The following ZNF611 variants were observed in gnomAD, a reference collection of about 807,000 sequenced individuals.
ZNF611 encodes zinc finger protein 611.
ZNF611 carries 6 observed loss-of-function variants against 8.9 expected under a neutral mutation model. That is an observed-to-expected ratio of 0.68 (90% confidence interval 0.37 to 1.34). ZNF611 has a LOEUF of 1.34. Among genes scored for constraint, ZNF611 ranks in the 40% most tolerant of loss-of-function variants. The pLI, the probability that ZNF611 is intolerant of heterozygous loss-of-function variation, is 0.02. For synonymous variants in ZNF611, 262 were observed against 279.7 expected (o/e 0.94, Z 0.63); for missense variants, 874 against 841.3 (o/e 1.04, Z -0.48).
intron 5 of ZNF611, among the ~76,000 whole-genome samples, chr19:52,710,662 G>C (rs1414185268): frequency 6.6e-6 from 1 of 152,184 alleles, no homozygotes; most frequent in Non-Finnish European, 1.5e-5. Context: ...ACTGCGGCTG[G>C]CCAGTCTAAG....
rs1479164489 is a variant in ZNF611 at position 52,717,067 on chromosome 19, A to G, written c.-19-1154T>C. Reference sequence around the variant, plus strand: ...AAAGGAAACTCAAAAGACTGCAACCATTTGTGCCTCAGTTCTCTGTGAACT... The same window carrying G: ...AAAGGAAACTCAAAAGACTGCAACCGTTTGTGCCTCAGTTCTCTGTGAACT... On this transcript the variant is annotated intron_variant, in intron 3 of 5. Transcript: ENST00000652185. Among the ~76,000 whole-genome samples, 4 of 151,586 alleles carry G rather than the reference A, an allele frequency of 2.6e-5. No homozygotes were observed. The East Asian group carries it at 7.7e-4, about 29-fold the overall frequency.
chr19:52,721,809 C>T (rs2062362075), intron 3 of ZNF611, among the ~76,000 whole-genome samples: 1 of 151,926 alleles, frequency 6.6e-6, no homozygotes, highest in South Asian at 2.1e-4. Flanking sequence ...TTGTTGCCCA[C>T]ACTGAAGTGC....
intron 4 of ZNF611, among the ~76,000 whole-genome samples, chr19:52,714,574 G>T (rs572092882): frequency 2.6e-5 from 4 of 151,410 alleles, no homozygotes; most frequent in Admixed American, 2.6e-4. Context: ...TGTAATCCCA[G>T]CTACACAGGA....
chr19:52,704,565 T>C lies in ZNF611; in HGVS notation c.*372A>G. ...GAGTTCACCGATGACCTGCAATATG[T>C]GAACGATCTCTGAAAAATTTGCCAC... On this transcript the variant is annotated 3_prime_UTR_variant, in exon 6 of 6. Transcript: ENST00000652185. 6.8e-6 allele frequency: 10 copies of C among 1,469,738 alleles called. No individual in the cohort carries two copies. Among genetic ancestry groups the C allele is most frequent in the East Asian group, 4.6e-5 (2 of 43,956 alleles). The allele number at this position is 1,469,738 out of a possible 1,614,324, so 91.0% of individuals were successfully genotyped here. A position where few individuals can be genotyped will look rare whatever the true frequency, so the allele number is the denominator to read the frequency against.
At chr19:52,718,355 A>G (rs1301530440) in intron 3 of ZNF611, among the ~76,000 whole-genome samples, 1 of 151,860 alleles carries the variant, frequency 6.6e-6, no homozygotes, top group African/African-American at 2.4e-5. Context: ...ATATCTAAAC[A>G]TTAGCCAGGC....
At position 52,704,554 on chromosome 19, in the gene ZNF611, C is replaced by T; in HGVS notation, c.*383G>A. 1 of 1,387,836 alleles carries T rather than the reference C, an allele frequency of 7.2e-7. No individual in the cohort carries two copies. Among genetic ancestry groups the T allele is most frequent in the Admixed American group, 1.8e-5 (1 of 57,008 alleles). The allele number at this position is 1,387,836 out of a possible 1,614,324, so 86.0% of individuals were successfully genotyped here. ...CTCTCCAGTATGAGTTCACCGATGACCTGCAATATGTGAACGATCTCTGAA... is the reference window on the plus strand; with the variant it reads ...CTCTCCAGTATGAGTTCACCGATGATCTGCAATATGTGAACGATCTCTGAA... On this transcript the variant is annotated 3_prime_UTR_variant, in exon 6 of 6. Transcript: ENST00000652185.
At chr19:52,730,819 G>A (rs2062421463) in intron 1 of ZNF611, among the ~76,000 whole-genome samples, 1 of 152,032 alleles carries the variant, frequency 6.6e-6, no homozygotes, top group Admixed American at 6.6e-5. Context: ...ACCTACCTCA[G>A]GTGATTCACC....
In ZNF611 at chr19:52,705,606, C is replaced by T; in HGVS notation, c.1449G>A (p.Lys483=). Residue 483 remains lysine, a synonymous_variant, in exon 6 of 6, where the codon AAG becomes AAA. Transcript: ENST00000652185. Reference sequence around the variant, plus strand: ...CAAAGGTCTTCCCACATTCATTACACTTGTAAGGTTTTTCTCCACAGTCAA... The same window carrying T: ...CAAAGGTCTTCCCACATTCATTACATTTGTAAGGTTTTTCTCCACAGTCAA... ...TRIDCGEKPY[K]CNECGKTFGQ... is the part of the protein sequence containing the mutation. 1 of 1,614,046 alleles carries T rather than the reference C, an allele frequency of 6.2e-7. No individual in the cohort carries two copies.
Position 52,732,195 on chromosome 19 carries a change from G to A in ZNF611, c.-221-2190C>T, listed in dbSNP as rs549085904. Among the ~76,000 whole-genome samples the A allele has an allele frequency of 1.7e-4, 26 of 151,276 alleles. 1 individual carries two copies. In the East Asian group the frequency reaches 4.9e-3, roughly 29 times the overall value. ...TGAGGCAGGAGAATGGCGTGAACCC[G>A]GGAGGCGGAGCTTGCAGTGAGCTGA... On this transcript the variant is annotated intron_variant, in intron 1 of 5. Transcript: ENST00000652185.
chr19:52,712,456 TAAAAAAAAAAAAA>T lies in ZNF611; in HGVS notation c.190+1546_190+1558del, dbSNP rs55649603. Among the ~76,000 whole-genome samples, 16 of 37,462 alleles carry T rather than the reference TAAAAAAAAAAAAA, an allele frequency of 4.3e-4. No homozygotes were observed. In the East Asian group the frequency reaches 0.014, roughly 33 times the overall value. 24.6% of individuals were successfully genotyped at this position (37,462 alleles called of 152,430 possible). ...ATGCATGGTGAAACACTGTCTCTAC[TAAAAAAAAAAAAA>T]AAAAAAAAAAAAAAAAAACATTGGC... On this transcript the variant is annotated intron_variant, in intron 5 of 5. Coordinates refer to ENST00000652185, the MANE Select transcript of ZNF611 (RefSeq NM_001161499.2).
At chr19:52,729,078 A>C (rs1568610026) in intron 2 of ZNF611, 1 of 152,252 alleles carries the variant, frequency 6.6e-6, no homozygotes, top group Non-Finnish European at 1.5e-5. Context: ...CAACATGTGT[A>C]AGCCTAAAGT....
At chr19:52,725,311 G>A (rs2062384528) in intron 3 of ZNF611, among the ~76,000 whole-genome samples, 1 of 152,194 alleles carries the variant, frequency 6.6e-6, no homozygotes. Flanking sequence ...GGCACCTGCA[G>A]GCTCCCAGGA....
At position 52,705,989 on chromosome 19, in the gene ZNF611, ATTG is replaced by A. The variant is rs2062240001; in HGVS notation, c.1063_1065del (p.Gln355del). ...TGAATTCTATGATGTGAAAGTTGTG[ATTG>A]TTGATTAAAAGCCTTGTCACATTCA... is the stretch of plus-strand genomic sequence containing the variant. On this transcript the variant is annotated inframe_deletion, in exon 6 of 6. Transcript: ENST00000652185. 5.6e-6 allele frequency: 9 copies of A among 1,613,984 alleles called. No individual in the cohort carries two copies. The highest frequency in any genetic ancestry group is 7.6e-6 in the Non-Finnish European group (9 of 1,180,032).
At position 52,706,346 on chromosome 19, in the gene ZNF611, C is replaced by T; in HGVS notation, c.709G>A (p.Gly237Ser). 6.2e-7 allele frequency: 1 copy of T among 1,614,172 alleles called. No homozygotes were observed. The highest frequency in any genetic ancestry group is 8.5e-7 in the Non-Finnish European group (1 of 1,180,046). ...REKSFQCNKS[G>S]KAFNCSSLLR... ...AGTGAGCTACAATTAAAGGCTTTGC[C>T]ACTCTTATTACATTGGAAAGATTTT... The change falls in exon 6 of 6, where the codon GGC becomes AGC. Residue 237 changes from glycine (G) to serine (S), a missense_variant. By Grantham distance (56) the Gly-to-Ser change is moderately conservative. Coordinates refer to ENST00000652185, the MANE Select transcript of ZNF611 (RefSeq NM_001161499.2).
At chr19:52,715,982 G>C in intron 3 of ZNF611, 69 bp from the exon 4 acceptor site, 1 of 1,562,082 alleles carries the variant, frequency 6.4e-7, no homozygotes, top group East Asian at 2.2e-5. Flanking sequence ...AAAAACACAC[G>C]AACGGGGGAG....
chr19:52,724,776 G>A (rs1381247382), intron 3 of ZNF611: 1 of 152,646 alleles, frequency 6.6e-6, no homozygotes, highest in Non-Finnish European at 1.5e-5. Context: ...ACTCTGCTCT[G>A]TCTGCCCTGG....
At chr19:52,710,271 C>G (rs909152501) in intron 5 of ZNF611, among the ~76,000 whole-genome samples, 8 of 149,916 alleles carry the variant, frequency 5.3e-5, no homozygotes, top group Admixed American at 3.3e-4. Context: ...AACTCTGTCA[C>G]CCGGGATGGA....
intron 5 of ZNF611, among the ~76,000 whole-genome samples, chr19:52,712,212 AAC>A: frequency 6.7e-6 from 1 of 148,496 alleles, no homozygotes; most frequent in Non-Finnish European, 1.5e-5. Flanking sequence ...AATGCATACA[AAC>A]ACACACACAA....
At chr19:52,712,540 G>A (rs2062287925) in intron 5 of ZNF611, among the ~76,000 whole-genome samples, 1 of 149,382 alleles carries the variant, frequency 6.7e-6, no homozygotes, top group African/African-American at 2.5e-5. Flanking sequence ...TTAGGAGGCT[G>A]AGGTAGCAGA....
Sources: allele counts gnomAD v4.1 joint callset (sites outside exome capture counted in the v4.1 genomes callset), GRCh38; gene constraint gnomAD v4.1.1; transcripts MANE v1.5; gene names NCBI Gene and HGNC (gene_info 2026-07-23, HGNC 2026-07-21).